Variants in NBEAL1 observed in about 807,000 individuals in gnomAD.
NBEAL1 encodes the protein neurobeachin like 1, also known as neurobeachin-like protein 1.
In NBEAL1, 273 loss-of-function variants were observed where a neutral mutation model predicts 351.3. The ratio of observed to expected loss-of-function variants is 0.78; its 90% CI spans 0.70 to 0.86. The LOEUF is 0.86. Ranked by LOEUF, NBEAL1 falls within the 40% of genes least tolerant of loss-of-function variation. The pLI, the probability that NBEAL1 is intolerant of heterozygous loss-of-function variation, is 0.00. For synonymous variants in NBEAL1, 1,050 were observed against 1,086.4 expected, an observed-to-expected ratio of 0.97 and a Z score of 0.66; for missense variants, 2,961 against 3,201.3, an observed-to-expected ratio of 0.92 and a Z score of 1.81.
Position 203,107,685 on chromosome 2 carries a change from G to A in NBEAL1, c.1446G>A (p.Trp482Ter). ...NVQPLLLLIQ[W>*]LPELQSHDLQ... ...AACCTCTCTTGCTTCTTATCCAGTGGCTTCCAGAACTACAATCCCATGACC... is the reference window on the plus strand; with the variant it reads ...AACCTCTCTTGCTTCTTATCCAGTGACTTCCAGAACTACAATCCCATGACC... The change falls in exon 14 of 56, where the codon TGG becomes TGA. Residue 482 changes from tryptophan to a stop codon, truncating the protein, a stop_gained. Transcript: ENST00000683969. LOFTEE classifies it high-confidence loss of function. The A allele has an allele frequency of 6.4e-7, 1 of 1,553,056 alleles. No homozygotes were observed. Among genetic ancestry groups the A allele is most frequent in the East Asian group, 2.4e-5 (1 of 41,234 alleles).
chr2:203,136,965 C>T (rs1032472579), intron 29 of NBEAL1, among the ~76,000 whole-genome samples, 191 bp downstream of exon 29: 2 of 152,156 alleles, frequency 1.3e-5, no homozygotes, highest in Non-Finnish European at 1.5e-5. Flanking sequence ...CAAACTCATT[C>T]CAGTATGAGG....
rs763778950 is a variant in NBEAL1 at position 203,180,393 on chromosome 2, C to T, written c.6476C>T (p.Ala2159Val). The stretch of plus-strand genomic sequence containing the variant: ...ATTTCTACATGCAGGTTTGACTGTG[C>T]AGATCGACAGTTCCATTCTATTCCT... ...IQLQSGRFDC[A>V]DRQFHSIPAT... The change falls in exon 43 of 56, where the codon GCA becomes GTA. Residue 2159 changes from alanine (A) to valine (V), a missense_variant. By Grantham distance (64) the Ala-to-Val change is moderately conservative. Transcript: ENST00000683969. 2 of 1,608,778 alleles carry T rather than the reference C, an allele frequency of 1.2e-6. No homozygotes were observed. The highest frequency in any genetic ancestry group is 2.2e-5 in the South Asian group (2 of 89,782).
chr2:203,122,637 G>T (rs1275531831), intron 19 of NBEAL1, among the ~76,000 whole-genome samples: 2 of 152,206 alleles, frequency 1.3e-5, no homozygotes, highest in East Asian at 3.8e-4. Flanking sequence ...AACTGTCTGT[G>T]TGGAGTTTGA....
Position 203,136,597 on chromosome 2 carries a change from A to T in NBEAL1, c.4390-2A>T. On this transcript the variant is annotated splice_acceptor_variant, in intron 28 of 55. Transcript: ENST00000683969. LOFTEE classifies it high-confidence loss of function. ...TTTAAAATTACTTTATATTTTCCATAGAGATGTGAGGAGGAGCTTCTTCAA... is the reference window on the plus strand; with the variant it reads ...TTTAAAATTACTTTATATTTTCCATTGAGATGTGAGGAGGAGCTTCTTCAA... The T allele has an allele frequency of 1.3e-6, 2 of 1,593,668 alleles. No individual in the cohort carries two copies. The highest frequency in any genetic ancestry group is 1.7e-6 in the Non-Finnish European group (2 of 1,165,470).
chr2:203,213,792 TA>T (rs1036023871), intron 55 of NBEAL1, 139 bp downstream of exon 55: 1 of 1,504,138 alleles, frequency 6.6e-7, no homozygotes, highest in Non-Finnish European at 8.8e-7. Flanking sequence ...AGGCAGTAAA[TA>T]AAAACAGGAT....
At chr2:203,063,448 AGGAGGGAG>A (rs556653752) in intron 6 of NBEAL1, among the ~76,000 whole-genome samples, 4 of 114,342 alleles carry the variant, frequency 3.5e-5, no homozygotes, top group South Asian at 6.4e-4. Flanking sequence ...TGAAAGAAAG[AGGAGGGAG>A]GGAGGGAGGG....
intron 7 of NBEAL1, among the ~76,000 whole-genome samples, chr2:203,069,664 T>C (rs2061649116): frequency 6.6e-6 from 1 of 152,200 alleles, no homozygotes; most frequent in African/African-American, 2.4e-5. Flanking sequence ...ATCTTATTCA[T>C]TTTTGGAGAG....
intron 11 of NBEAL1, among the ~76,000 whole-genome samples, chr2:203,098,604 T>C (rs935901978): frequency 6.6e-6 from 1 of 152,170 alleles, no homozygotes; most frequent in African/African-American, 2.4e-5. Flanking sequence ...TTTTTGTTTT[T>C]GCTATAAATA....
chr2:203,149,270 T>TATG, intron 34 of NBEAL1, 122 bp downstream of exon 34: 1 of 640,460 alleles, frequency 1.6e-6, no homozygotes, highest in Non-Finnish European at 2.6e-6. Context: ...AGGGTGCTTT[T>TATG]AATCTTATTT....
At position 203,083,418 on chromosome 2, in the gene NBEAL1, T is replaced by G; in HGVS notation, c.884T>G (p.Leu295Arg). ...CGTCAAGTGGAAACCAGTACTATTC[T>G]GGAGAACTATTTTAAATTGCTAAAT... is the stretch of plus-strand genomic sequence containing the variant. ...DQRQVETSTI[L>R]ENYFKLLNSD... The change falls in exon 9 of 56, where the codon CTG (leucine) becomes CGG (arginine). Residue 295 changes from leucine to arginine, a missense_variant. By Grantham distance (102) the Leu-to-Arg change is moderately radical. Transcript: ENST00000683969. 6.4e-7 allele frequency: 1 copy of G among 1,554,548 alleles called. No homozygotes were observed. The highest frequency in any genetic ancestry group is 8.7e-7 in the Non-Finnish European group (1 of 1,147,690).
chr2:203,131,303 G>T (rs779881173), intron 25 of NBEAL1, among the ~76,000 whole-genome samples: 1 of 152,062 alleles, frequency 6.6e-6, no homozygotes, highest in Non-Finnish European at 1.5e-5. Flanking sequence ...GCAACCTCTG[G>T]CTCCCATGTA....
Position 203,138,220 on chromosome 2 carries a change from C to T in NBEAL1, c.4624C>T (p.Pro1542Ser), listed in dbSNP as rs1419464417. The part of the protein sequence containing the change: ...ISENREAKTN[P>S]VTAENAFRLV... ...AGAAAACAGAGAAGCAAAAACTAAT[C>T]CAGTAACTGCTGAAAACGCCTTCCG... The change falls in exon 30 of 56, where the codon CCA becomes TCA. Residue 1542 changes from proline (P) to serine (S), a missense_variant. Pro to Ser is a moderately conservative substitution (Grantham distance 74). Transcript: ENST00000683969. 1.9e-6 allele frequency: 3 copies of T among 1,613,924 alleles called. No homozygotes were observed. In the African/African-American group the frequency reaches 4.0e-5, roughly 22 times the overall value.
chr2:203,136,598 G>A lies in NBEAL1; in HGVS notation c.4390-1G>A. ...TTAAAATTACTTTATATTTTCCATAGAGATGTGAGGAGGAGCTTCTTCAAT... is the reference window on the plus strand; with the variant it reads ...TTAAAATTACTTTATATTTTCCATAAAGATGTGAGGAGGAGCTTCTTCAAT... On this transcript the variant is annotated splice_acceptor_variant, in intron 28 of 55. Transcript: ENST00000683969. LOFTEE classifies it high-confidence loss of function. The A allele has an allele frequency of 6.3e-7, 1 of 1,598,914 alleles. No individual in the cohort carries two copies. The highest frequency in any genetic ancestry group is 8.5e-7 in the Non-Finnish European group (1 of 1,169,980).
chr2:203,188,421 T>G, intron 44 of NBEAL1, 51 bp from the exon 45 acceptor site: 1 of 955,904 alleles, frequency 1.0e-6, no homozygotes, highest in Non-Finnish European at 1.5e-6. Flanking sequence ...GAATTTACAA[T>G]GTAGTTGGAA....
At chr2:203,200,748 A>G (rs2065375132) in intron 49 of NBEAL1, among the ~76,000 whole-genome samples, 1 of 152,196 alleles carries the variant, frequency 6.6e-6, no homozygotes, top group South Asian at 2.1e-4. Context: ...TTGAGGATCA[A>G]ATTACACCAT....
chr2:203,052,845 CA>C (rs2061345570), intron 4 of NBEAL1, among the ~76,000 whole-genome samples: 3 of 151,988 alleles, frequency 2.0e-5, no homozygotes, highest in African/African-American at 4.8e-5. Context: ...CTTGACCTCC[CA>C]AGGTGCTGGG....
chr2:203,038,763 G>A (rs1251179546), intron 2 of NBEAL1, among the ~76,000 whole-genome samples: 2 of 148,808 alleles, frequency 1.3e-5, no homozygotes, highest in African/African-American at 4.9e-5. Flanking sequence ...CCCCAGTCTT[G>A]ACTTCCTGCG....
At chr2:203,147,880 G>C (rs1329692738) in intron 33 of NBEAL1, among the ~76,000 whole-genome samples, 2 of 151,908 alleles carry the variant, frequency 1.3e-5, no homozygotes, top group African/African-American at 4.8e-5. Flanking sequence ...TTCCCTGAGA[G>C]AAGTTCTACC....
At chr2:203,158,822 T>G (rs1253634403) in intron 36 of NBEAL1, among the ~76,000 whole-genome samples, 2 of 141,746 alleles carry the variant, frequency 1.4e-5, no homozygotes, top group African/African-American at 5.2e-5. Flanking sequence ...AGGGTTTTTT[T>G]TTTTTTTTTT....
Sources: allele counts gnomAD v4.1 joint callset (sites outside exome capture counted in the v4.1 genomes callset), GRCh38; gene constraint gnomAD v4.1.1; transcripts MANE v1.5; gene names NCBI Gene and HGNC (gene_info 2026-07-23, HGNC 2026-07-21).